Variants in NUP214 observed in about 807,000 individuals in gnomAD.
NUP214 encodes nuclear pore complex protein Nup214.
A neutral mutation model predicts 196.2 loss-of-function variants in NUP214; 79 were observed. The observed-to-expected ratio is 0.40, with a 90% CI of 0.34 to 0.49. The LOEUF (loss-of-function observed/expected upper bound fraction) is 0.49. Among genes scored for constraint, NUP214 ranks in the 20% least tolerant of loss-of-function variants. The pLI, the probability that NUP214 is intolerant of heterozygous loss-of-function variation, is 0.58. For synonymous variants in NUP214, 1,020 were observed against 990.5 expected, an observed-to-expected ratio of 1.03 and a Z score of -0.56; for missense variants, 2,468 against 2,539.0, an observed-to-expected ratio of 0.97 and a Z score of 0.60.
chr9:131,231,735 A>ACC (rs1834884321), intron 34 of NUP214, among the ~76,000 whole-genome samples: 3 of 152,004 alleles, frequency 2.0e-5, no homozygotes, highest in Admixed American at 1.3e-4. Context: ...TTGTTCTTGC[A>ACC]GTAAACTGAC....
chr9:131,197,100 A>G, intron 28 of NUP214, 116 bp from the exon 29 acceptor site: 1 of 1,408,514 alleles, frequency 7.1e-7, no homozygotes, highest in Admixed American at 2.3e-5. Flanking sequence ...AGAACAAGGC[A>G]CCCTGACTCT....
chr9:131,230,080 G>A lies in NUP214; in HGVS notation c.6075-550G>A, dbSNP rs1834835235. On this transcript the variant is annotated intron_variant, in intron 33 of 35. Transcript: ENST00000359428. ...GGGAGAACTGAGTGAGGGGGCACAG[G>A]GGATTGTCTCCAGGTGGGGCGAGCA... 1.3e-5 allele frequency: 3 copies of A among 223,632 alleles called. No homozygotes were observed. In the South Asian group the frequency reaches 1.5e-4, roughly 11 times the overall value. 13.9% of individuals were successfully genotyped at this position (223,632 alleles called of 1,614,324 possible).
At chr9:131,225,185 G>T (rs974684544) in intron 32 of NUP214, among the ~76,000 whole-genome samples, 2 of 152,190 alleles carry the variant, frequency 1.3e-5, no homozygotes, top group Non-Finnish European at 2.9e-5. Flanking sequence ...GGCCAAGGAA[G>T]ACAGATCACT....
intron 12 of NUP214, among the ~76,000 whole-genome samples, chr9:131,145,287 T>C (rs1431586358): frequency 1.3e-5 from 2 of 152,116 alleles, no homozygotes; most frequent in Non-Finnish European, 2.9e-5. Flanking sequence ...GTCGGGCAGC[T>C]CACTCATTTC....
chr9:131,128,674 A>G, intron 3 of NUP214, 191 bp downstream of exon 3: 1 of 510,072 alleles, frequency 2.0e-6, no homozygotes. Context: ...AAATTCTTTC[A>G]TAACGCCATC....
chr9:131,171,625 C>A (rs1009332094), intron 21 of NUP214, among the ~76,000 whole-genome samples: 53 of 146,930 alleles, frequency 3.6e-4, no homozygotes, highest in African/African-American at 1.3e-3. Context: ...CATATGTATA[C>A]ATGTGCCATG....
chr9:131,164,201 G>A, intron 21 of NUP214, 57 bp downstream of exon 21: 1 of 1,510,094 alleles, frequency 6.6e-7, no homozygotes, highest in Non-Finnish European at 9.2e-7. Context: ...TGGGGTGTGT[G>A]TGTGTGCGCG....
rs3739507 is a variant in NUP214, at chr9:131,197,652, C to T, written c.4158C>T (p.Pro1386=). 1.7e-4 allele frequency: 276 copies of T among 1,614,138 alleles called. 3 individuals are homozygous for T. The East Asian group carries it at 5.3e-3, about 31-fold the overall frequency. The change falls in exon 29 of 36, where the codon CCC becomes CCT. Residue 1386 remains proline (P), a synonymous_variant. Coordinates refer to ENST00000359428, the MANE Select transcript of NUP214 (RefSeq NM_005085.4). ...APPVLGKHTE[P]PVTSSATTTS... Reference sequence around the variant, plus strand: ...CGGTGTTAGGGAAGCACACGGAGCCCCCTGTGACATCCTCTGCAACCACCA... The same window carrying T: ...CGGTGTTAGGGAAGCACACGGAGCCTCCTGTGACATCCTCTGCAACCACCA...
At chr9:131,214,367 C>T (rs531117977) in intron 30 of NUP214, among the ~76,000 whole-genome samples, 32 of 152,276 alleles carry the variant, frequency 2.1e-4, no homozygotes, top group Admixed American at 3.3e-4. Context: ...ATTCACTCTC[C>T]GCTGTGTTGA....
At chr9:131,164,006 C>A in intron 20 of NUP214, 51 bp downstream of exon 20, 1 of 1,612,084 alleles carries the variant, frequency 6.2e-7, no homozygotes, top group East Asian at 2.2e-5. Context: ...CTTCCAAGTA[C>A]TGATATCTTA....
chr9:131,172,512 C>G (rs1019592229), intron 21 of NUP214, among the ~76,000 whole-genome samples: 2 of 152,152 alleles, frequency 1.3e-5, no homozygotes, highest in African/African-American at 4.8e-5. Context: ...GTTGCCTGTT[C>G]ACTCTGATGG....
rs764294336 is a variant in NUP214, at chr9:131,151,780, G to C, written c.2322G>C (p.Glu774Asp). The stretch of plus-strand genomic sequence containing the variant: ...GTAGCCTGAAAACAACTTTACTTGA[G>C]GGCTTTGCTGGTGTTGAGGAAGCCA... The part of the protein sequence containing the change: ...DISSLKTTLL[E>D]GFAGVEEARE... Residue 774 changes from glutamate to aspartate, a missense_variant, in exon 17 of 36, where the codon GAG (glutamate) becomes GAC (aspartate). Physicochemically the swap from Glu to Asp is conservative, Grantham distance 45. Around this residue, in one of 5 missense-constraint regions of NUP214, gnomAD observed 1,801 missense variants for 1,779.4 expected, o/e 1.01. Transcript: ENST00000359428. 3 of 1,613,374 alleles carry C rather than the reference G, an allele frequency of 1.9e-6. No individual in the cohort carries two copies.
intron 17 of NUP214, among the ~76,000 whole-genome samples, chr9:131,152,509 TAAA>T (rs1289318860): frequency 6.6e-6 from 1 of 151,390 alleles, no homozygotes; most frequent in Non-Finnish European, 1.5e-5. Context: ...ATAATAAAAA[TAAA>T]TAATAATTAT....
intron 6 of NUP214, 178 bp downstream of exon 6, chr9:131,132,837 G>A (rs1160941185): frequency 4.7e-6 from 3 of 632,976 alleles, no homozygotes; most frequent in African/African-American, 3.7e-5. Flanking sequence ...GGTGACATCT[G>A]TGTTTCACGA....
At position 131,232,308 on chromosome 9, in the gene NUP214, C is replaced by T. The variant is rs751906119; in HGVS notation, c.6239C>T (p.Ser2080Leu). ...TGGFSFGSNN[S>L]SVQGFGGWRS Reference sequence around the variant, plus strand: ...GGGTTCAGCTTTGGGTCAAATAACTCGTAAGTATCCCCCTTTTTGAGTCTC... The same window carrying T: ...GGGTTCAGCTTTGGGTCAAATAACTTGTAAGTATCCCCCTTTTTGAGTCTC... Residue 2080 changes from serine to leucine, a missense_variant and splice_region_variant, in exon 35 of 36, where the codon TCG becomes TTG. Transcript: ENST00000359428. The surrounding 1 kb of genome is among the most constrained non-coding windows in gnomAD (Gnocchi z 5.1). 16 of 1,613,860 alleles carry T rather than the reference C, an allele frequency of 9.9e-6. 1 individual carries two copies. The South Asian group carries it at 1.1e-4, about 11-fold the overall frequency.
At chr9:131,203,513 T>C (rs1188050090) in intron 30 of NUP214, among the ~76,000 whole-genome samples, 1 of 152,180 alleles carries the variant, frequency 6.6e-6, no homozygotes, top group Non-Finnish European at 1.5e-5. Flanking sequence ...GTTAATAAAG[T>C]GGTAGGCATA....
rs140306591 is a variant in NUP214 at position 131,195,598 on chromosome 9, T to A, written c.3721+304T>A. 2,293 of 305,398 alleles carry A rather than the reference T, an allele frequency of 7.5e-3. 12 individuals are homozygous for A. The highest frequency in any genetic ancestry group is 0.02 in the South Asian group (445 of 22,284). 18.9% of individuals were successfully genotyped at this position (305,398 alleles called of 1,614,324 possible). A position where few individuals can be genotyped will look rare whatever the true frequency, so the allele number is the denominator to read the frequency against. The stretch of plus-strand genomic sequence containing the variant: ...CATTTTTTGTCTGTAATTTAAAATT[T>A]CTTCAATTTATAGGGTGATTCTGTA... On this transcript the variant is annotated intron_variant, in intron 28 of 35. Transcript: ENST00000359428.
chr9:131,171,547 CTTTTTTT>C (rs11334591), intron 21 of NUP214, among the ~76,000 whole-genome samples: 7 of 127,348 alleles, frequency 5.5e-5, no homozygotes, highest in African/African-American at 1.8e-4. Flanking sequence ...GGAAGATTTT[CTTTTTTT>C]TTTTTTTTTT....
At chr9:131,153,719 A>G (rs1296942203) in intron 17 of NUP214, among the ~76,000 whole-genome samples, 3 of 152,248 alleles carry the variant, frequency 2.0e-5, no homozygotes, top group Non-Finnish European at 4.4e-5. Flanking sequence ...TGAAACCAAG[A>G]TAACTGAAAC....
Sources: allele counts gnomAD v4.1 joint callset (sites outside exome capture counted in the v4.1 genomes callset), GRCh38; gene constraint gnomAD v4.1.1; regional missense constraint gnomAD v4.1.1; non-coding constraint Gnocchi (gnomAD v3.1); transcripts MANE v1.5; gene names NCBI Gene and HGNC (gene_info 2026-07-23, HGNC 2026-07-21).